The following LHPP variants were observed in gnomAD, a reference collection of about 807,000 sequenced individuals.
LHPP encodes phospholysine phosphohistidine inorganic pyrophosphate phosphatase, also known as hLHPP.
Under a neutral mutation model 30.3 loss-of-function variants are expected in LHPP, and 24 were observed. The observed-to-expected ratio is 0.79, with a 90% CI of 0.57 to 1.11. The LOEUF is 1.11. Ranked by LOEUF, LHPP falls within the 50% of genes most tolerant of loss-of-function variation. The probability of loss-of-function intolerance (pLI) is 0.00; values close to 1 mark genes in which losing one functional copy is unlikely to be tolerated. For missense variants in LHPP, 356 were observed against 367.2 expected, an observed-to-expected ratio of 0.97 and a Z score of 0.25; for synonymous variants, 150 against 157.1, an observed-to-expected ratio of 0.95 and a Z score of 0.34.
chr10:124,470,666 CAACAACA>C (rs1952702445), intron 1 of LHPP, among the ~76,000 whole-genome samples: 1 of 148,280 alleles, frequency 6.7e-6, no homozygotes, highest in African/African-American at 2.5e-5. Flanking sequence ...ACAACAACAA[CAACAACA>C]ACAACAACAA....
Position 124,510,083 on chromosome 10 carries a change from T to G in LHPP, c.625-7097T>G, listed in dbSNP as rs1400466123. 6.6e-6 allele frequency among the ~76,000 whole-genome samples: 1 copy of G among 152,054 alleles called. No homozygotes were observed. The highest frequency in any genetic ancestry group is 1.5e-5 in the Non-Finnish European group (1 of 68,008). On this transcript the variant is annotated intron_variant, in intron 5 of 6. Coordinates refer to ENST00000368842, the MANE Select transcript of LHPP (RefSeq NM_022126.4). The surrounding 1 kb of genome is among the most constrained non-coding windows in gnomAD (Gnocchi z 4.0). The stretch of plus-strand genomic sequence containing the variant: ...ATCCGGCTCTCTGGATCCTGGGTTC[T>G]GGGGGGTCCGACCTTTCATTTTTTT...
At chr10:124,601,952 CCTT>C (rs1949028648) in intron 6 of LHPP, among the ~76,000 whole-genome samples, 1 of 152,206 alleles carries the variant, frequency 6.6e-6, no homozygotes, top group African/African-American at 2.4e-5. Flanking sequence ...ATGCACCACT[CCTT>C]CTCCAGGTCC....
At chr10:124,574,406 C>T (rs1589876891) in intron 6 of LHPP, among the ~76,000 whole-genome samples, 2 of 152,264 alleles carry the variant, frequency 1.3e-5, no homozygotes, top group East Asian at 3.9e-4. Flanking sequence ...CCCCTCGAGT[C>T]CCCAGAACTT....
chr10:124,519,227 C>T lies in LHPP; in HGVS notation c.716+1956C>T, dbSNP rs189380611. Among the ~76,000 whole-genome samples the T allele has an allele frequency of 1.1e-3, 164 of 152,340 alleles. 6 individuals are homozygous for T. Among genetic ancestry groups the T allele is most frequent in the Admixed American group, 9.2e-3 (141 of 15,304 alleles). On this transcript the variant is annotated intron_variant, in intron 6 of 6. Coordinates refer to ENST00000368842, the MANE Select transcript of LHPP (RefSeq NM_022126.4). ...CCTCCGGAAGTGCTGGGATTATACG[C>T]GTGAGCCACCGCGCCCGGCCCCAGA...
intron 6 of LHPP, chr10:124,526,091 C>A: frequency 1.3e-6 from 1 of 776,200 alleles, no homozygotes; most frequent in Non-Finnish European, 1.6e-6. Flanking sequence ...TCCTGGAAGG[C>A]GCTGGAGTGG....
rs113778319 is a variant in LHPP at position 124,489,767 on chromosome 10, C to CTT, written c.467+1204_467+1205dup. On this transcript the variant is annotated intron_variant, in intron 3 of 6. Coordinates refer to ENST00000368842, the MANE Select transcript of LHPP (RefSeq NM_022126.4). ...GCCCCCAACCTCTTGTAATTTTTTT[C>CTT]TTTTTTTTTTTTTCTGCTTATAAGT... The CTT allele has an allele frequency of 4.9e-3, 771 of 155,970 alleles. 1 individual carries two copies. The highest frequency in any genetic ancestry group is 0.021 in the South Asian group (143 of 6,914). The allele number at this position is 155,970 out of a possible 1,614,324, so 9.7% of individuals were successfully genotyped here.
At position 124,496,255 on chromosome 10, in the gene LHPP, A is replaced by G. The variant is rs1247665591; in HGVS notation, c.468-706A>G. 6.6e-6 allele frequency among the ~76,000 whole-genome samples: 1 copy of G among 152,158 alleles called. No individual in the cohort carries two copies. Among genetic ancestry groups the G allele is most frequent in the Non-Finnish European group, 1.5e-5 (1 of 68,014 alleles). ...TGGCCCACCATGTGTCTGGACTGTG[A>G]GTGCCTTGAGGCTCAGTGTGACGCG... On this transcript the variant is annotated intron_variant, in intron 3 of 6. Transcript: ENST00000368842. This position sits in a 1 kb window ranked among gnomAD's most constrained non-coding sequence, Gnocchi z 4.3.
At chr10:124,582,002 T>G (rs1337587199) in intron 6 of LHPP, among the ~76,000 whole-genome samples, 2 of 152,156 alleles carry the variant, frequency 1.3e-5, no homozygotes, top group Admixed American at 1.3e-4. Context: ...CAGGATGGTC[T>G]CGATCTCCTG....
intron 1 of LHPP, among the ~76,000 whole-genome samples, chr10:124,471,588 AT>A (rs1214926015): frequency 4.2e-5 from 2 of 47,504 alleles, no homozygotes; most frequent in Non-Finnish European, 4.2e-5. Context: ...ATATTTATAT[AT>A]TTTTTATATA....
intron 2 of LHPP, among the ~76,000 whole-genome samples, chr10:124,487,230 C>A (rs962229536): frequency 6.6e-6 from 1 of 152,114 alleles, no homozygotes; most frequent in African/African-American, 2.4e-5. Context: ...TACCTAGCAG[C>A]GAAATTACTG....
intron 1 of LHPP, among the ~76,000 whole-genome samples, chr10:124,470,451 C>G (rs78248773): frequency 0.022 from 3,393 of 152,168 alleles, 105 homozygotes; most frequent in East Asian, 0.14. Flanking sequence ...ACCTCTCAAT[C>G]CCCTGTGTGT....
At chr10:124,608,965 C>A (rs1949130375) in intron 6 of LHPP, among the ~76,000 whole-genome samples, 1 of 152,244 alleles carries the variant, frequency 6.6e-6, no homozygotes. Context: ...GCAGCCGCAT[C>A]TCTGCAGCAG....
At chr10:124,577,073 T>C (rs1460954535) in intron 6 of LHPP, among the ~76,000 whole-genome samples, 2 of 152,218 alleles carry the variant, frequency 1.3e-5, no homozygotes, top group Non-Finnish European at 2.9e-5. Flanking sequence ...CCCTAGAAAG[T>C]AGGTACCATT....
chr10:124,585,909 G>T (rs953039143), intron 6 of LHPP, among the ~76,000 whole-genome samples: 1 of 151,976 alleles, frequency 6.6e-6, no homozygotes, highest in East Asian at 2.0e-4. Flanking sequence ...CTCAGCCTCC[G>T]GAGTAGCTGG....
intron 6 of LHPP, among the ~76,000 whole-genome samples, chr10:124,524,801 C>A (rs1954693028): frequency 6.6e-6 from 1 of 152,144 alleles, no homozygotes; most frequent in African/African-American, 2.4e-5. Flanking sequence ...TACCACTGCA[C>A]TTCAGCCTGG....
intron 6 of LHPP, among the ~76,000 whole-genome samples, chr10:124,550,314 C>CT (rs1459924238): frequency 6.6e-6 from 1 of 152,250 alleles, no homozygotes; most frequent in Non-Finnish European, 1.5e-5. Context: ...TTGTTGAGCC[C>CT]TTCCACTAGC....
rs1180777374 is a variant in LHPP at position 124,592,411 on chromosome 10, G to A, written c.717-20853G>A. Among the ~76,000 whole-genome samples the A allele has an allele frequency of 6.6e-6, 1 of 152,214 alleles. No individual in the cohort carries two copies. The highest frequency in any genetic ancestry group is 1.5e-5 in the Non-Finnish European group (1 of 68,032). ...AAAGCACACTGGACCTAGGGCTCAG[G>A]TTTGAGCTTTCATGATGAGACCCTG... On this transcript the variant is annotated intron_variant, in intron 6 of 6. Transcript: ENST00000368842. This position sits in a 1 kb window ranked among gnomAD's most constrained non-coding sequence, Gnocchi z 6.2.
intron 1 of LHPP, among the ~76,000 whole-genome samples, chr10:124,482,553 C>T (rs542957182): frequency 9.9e-5 from 15 of 152,236 alleles, no homozygotes; most frequent in South Asian, 4.1e-4. Context: ...TTGTTGGGGC[C>T]GGTTTGTCCA....
Position 124,529,349 on chromosome 10 carries a change from G to A in LHPP, c.716+12078G>A, listed in dbSNP as rs564283270. On this transcript the variant is annotated intron_variant, in intron 6 of 6. Transcript: ENST00000368842. ...TTCTTAAGGAAAACCACCTGAAAGT[G>A]CGGGGTTATTAAAAACAGAAACCAA... Among the ~76,000 whole-genome samples the A allele has an allele frequency of 1.1e-4, 17 of 152,060 alleles. 1 individual carries two copies. The highest frequency in any genetic ancestry group is 3.9e-4 in the African/African-American group (16 of 41,472).
Sources: gnomAD v4.1 joint callset for allele counts (sites outside exome capture counted in the v4.1 genomes callset) on GRCh38, gnomAD v4.1.1 for gene constraint, Gnocchi (gnomAD v3.1) non-coding constraint, MANE v1.5 for transcripts, NCBI Gene and HGNC (gene_info 2026-07-23, HGNC 2026-07-21) for gene names.